NBEAL1: variants seen among roughly 807,000 people sequenced by gnomAD.
The protein encoded by NBEAL1 is neurobeachin-like protein 1.
NBEAL1 carries 273 observed loss-of-function variants against 351.3 expected under a neutral mutation model. That is an observed-to-expected ratio of 0.78 (90% CI 0.70 to 0.86). NBEAL1 has a LOEUF of 0.86. Among genes scored for constraint, NBEAL1 ranks in the 40% least tolerant of loss-of-function variants. The pLI is 0.00. For synonymous variants in NBEAL1, 1,050 were observed against 1,086.4 expected, an observed-to-expected ratio of 0.97 and a Z score of 0.66; for missense variants, 2,961 against 3,201.3, an observed-to-expected ratio of 0.92 and a Z score of 1.81.
At chr2:203,138,903 G>A (rs916004005) in intron 31 of NBEAL1, among the ~76,000 whole-genome samples, 155 bp downstream of exon 31, 8 of 152,110 alleles carry the variant, frequency 5.3e-5, no homozygotes, top group African/African-American at 1.9e-4. Context: ...GAGCTTGAGA[G>A]GCAGTTAATT....
At chr2:203,051,586 A>T (rs1156873157) in intron 4 of NBEAL1, among the ~76,000 whole-genome samples, 2 of 151,740 alleles carry the variant, frequency 1.3e-5, no homozygotes, top group Admixed American at 1.3e-4. Flanking sequence ...TTATTCAGGT[A>T]GTAAGACATA....
In NBEAL1 at chr2:203,107,433, A is replaced by G. The variant is rs2062462234; in HGVS notation, c.1283A>G (p.Glu428Gly). 1 of 1,541,184 alleles carries G rather than the reference A, an allele frequency of 6.5e-7. No homozygotes were observed. The highest frequency in any genetic ancestry group is 1.4e-5 in the African/African-American group (1 of 72,894). Reference sequence around the variant, plus strand: ...CCCATCCCCTAGGAAGTATTTAAAGAAAGAATTGGTTATACACATATGCTT... The same window carrying G: ...CCCATCCCCTAGGAAGTATTTAAAGGAAGAATTGGTTATACACATATGCTT... ...KSPAAKEVFK[E>G]RIGYTHMLEV... The change falls in exon 13 of 56, where the codon GAA (glutamate) becomes GGA (glycine). Residue 428 changes from glutamate to glycine, a missense_variant. Transcript: ENST00000683969.
At chr2:203,032,439 T>C (rs1350539297) in intron 2 of NBEAL1, among the ~76,000 whole-genome samples, 2 of 151,562 alleles carry the variant, frequency 1.3e-5, no homozygotes, top group Non-Finnish European at 2.9e-5. Context: ...GGGCAGATCA[T>C]GGGGTCAGGA....
chr2:203,079,061 GTTTGT>G (rs901276678), intron 8 of NBEAL1, among the ~76,000 whole-genome samples: 1 of 152,052 alleles, frequency 6.6e-6, no homozygotes, highest in African/African-American at 2.4e-5. Context: ...AAAATCACAA[GTTTGT>G]TTTGTTTTGT....
At chr2:203,120,749 A>T (rs535480069) in intron 18 of NBEAL1, among the ~76,000 whole-genome samples, 1 of 152,178 alleles carries the variant, frequency 6.6e-6, no homozygotes, top group Non-Finnish European at 1.5e-5. Context: ...TGAAAGTTGG[A>T]TTGGAGGAAT....
At position 203,180,372 on chromosome 2, in the gene NBEAL1, C is replaced by A. The variant is rs1363220296; in HGVS notation, c.6465-10C>A. ...TCAATATTTACTTCTCTTTTAATTTCTACATGCAGGTTTGACTGTGCAGAT... is the reference window on the plus strand; with the variant it reads ...TCAATATTTACTTCTCTTTTAATTTATACATGCAGGTTTGACTGTGCAGAT... On this transcript the variant is annotated splice_polypyrimidine_tract_variant and intron_variant, in intron 42 of 55. Transcript: ENST00000683969. 1 of 1,590,684 alleles carries A rather than the reference C, an allele frequency of 6.3e-7. No individual in the cohort carries two copies. Among genetic ancestry groups the A allele is most frequent in the Admixed American group, 1.9e-5 (1 of 53,086 alleles).
At position 203,219,227 on chromosome 2, in the gene NBEAL1, T is replaced by A. The variant is rs1173008750; in HGVS notation, c.*1873T>A. ...TTAGTTTTTAAAATACTGATTTTTT[T>A]AGAAACTTTTTCTAAATCAAAACCT... On this transcript the variant is annotated 3_prime_UTR_variant, in exon 56 of 56. Coordinates refer to ENST00000683969, the MANE Select transcript of NBEAL1 (RefSeq NM_001378026.1). 1 of 152,184 alleles carries A rather than the reference T, an allele frequency of 6.6e-6. No individual in the cohort carries two copies. Among genetic ancestry groups the A allele is most frequent in the African/African-American group, 2.4e-5 (1 of 41,466 alleles). The allele number at this position is 152,184 out of a possible 1,614,324, so 9.4% of individuals were successfully genotyped here.
intron 36 of NBEAL1, among the ~76,000 whole-genome samples, 171 bp downstream of exon 36, chr2:203,157,996 AG>A (rs1338260565): frequency 3.3e-5 from 5 of 152,186 alleles, no homozygotes. Flanking sequence ...AAGGCTTCTT[AG>A]AACTGGGATA....
chr2:203,066,503 ATC>A (rs777322834), intron 6 of NBEAL1, among the ~76,000 whole-genome samples: 14 of 152,114 alleles, frequency 9.2e-5, no homozygotes, highest in South Asian at 4.2e-4. Flanking sequence ...TAACAATCTG[ATC>A]TCTCTTTCTT....
chr2:203,170,188 T>C (rs2064275880), intron 39 of NBEAL1, among the ~76,000 whole-genome samples: 1 of 151,986 alleles, frequency 6.6e-6, no homozygotes, highest in Non-Finnish European at 1.5e-5. Context: ...CTGGCCAACA[T>C]GGTGAAACCC....
chr2:203,144,978 A>T, intron 32 of NBEAL1, 33 bp from the exon 33 acceptor site: 1 of 1,506,986 alleles, frequency 6.6e-7, no homozygotes, highest in Non-Finnish European at 8.9e-7. Context: ...TCATATATTA[A>T]ATTTTATGTA....
chr2:203,067,301 G>A (rs2061609271), intron 6 of NBEAL1, among the ~76,000 whole-genome samples: 1 of 152,178 alleles, frequency 6.6e-6, no homozygotes, highest in African/African-American at 2.4e-5. Context: ...AATACAGCTG[G>A]TATAATCACT....
At chr2:203,207,338 G>A (rs1238917714) in intron 51 of NBEAL1, among the ~76,000 whole-genome samples, 5 of 151,732 alleles carry the variant, frequency 3.3e-5, no homozygotes, top group Non-Finnish European at 7.4e-5. Context: ...GAGGTGAGGG[G>A]CGCCTCTGCC....
chr2:203,190,740 G>T, intron 46 of NBEAL1: 5 of 1,604,622 alleles, frequency 3.1e-6, no homozygotes, highest in Non-Finnish European at 4.2e-6. Flanking sequence ...TTCTTCGGTC[G>T]TCCCGAATCC....
At chr2:203,091,828 T>C (rs1440335547) in intron 10 of NBEAL1, among the ~76,000 whole-genome samples, 1 of 152,228 alleles carries the variant, frequency 6.6e-6, no homozygotes, top group Non-Finnish European at 1.5e-5. Context: ...AGATTTGTTA[T>C]TGTCTTCTTG....
chr2:203,158,585 G>A (rs1457091011), intron 36 of NBEAL1, among the ~76,000 whole-genome samples: 1 of 151,996 alleles, frequency 6.6e-6, no homozygotes, highest in African/African-American at 2.4e-5. Context: ...ACATTTCTTT[G>A]TATAAGTTCA....
intron 8 of NBEAL1, among the ~76,000 whole-genome samples, chr2:203,080,302 C>T (rs1202769510): frequency 6.6e-6 from 1 of 152,092 alleles, no homozygotes; most frequent in Non-Finnish European, 1.5e-5. Context: ...ATCCCTGCTA[C>T]TCTGGAGGCT....
At chr2:203,198,029 T>C (rs1482122952) in intron 48 of NBEAL1, among the ~76,000 whole-genome samples, 1 of 143,950 alleles carries the variant, frequency 6.9e-6, no homozygotes, top group Non-Finnish European at 1.5e-5. Flanking sequence ...TCTTTTTTTT[T>C]TTTTTTTTGA....
At chr2:203,134,801 G>A (rs553399215) in intron 27 of NBEAL1, among the ~76,000 whole-genome samples, 3 of 152,168 alleles carry the variant, frequency 2.0e-5, no homozygotes, top group African/African-American at 7.2e-5. Flanking sequence ...TCATTTTCTG[G>A]AATTAAAGTT....
Sources: allele counts gnomAD v4.1 joint callset (sites outside exome capture counted in the v4.1 genomes callset), GRCh38; gene constraint gnomAD v4.1.1; transcripts MANE v1.5; gene names NCBI Gene and HGNC (gene_info 2026-07-23, HGNC 2026-07-21).